MTUS2: variants seen among roughly 807,000 people sequenced by gnomAD.
MTUS2 encodes the protein microtubule-associated tumor suppressor candidate 2.
MTUS2 carries 40 observed loss-of-function variants against 114.1 expected under a neutral mutation model. The observed-to-expected ratio is 0.35, with a 90% CI of 0.27 to 0.46. The LOEUF is 0.46. Ranked by LOEUF, MTUS2 falls within the 20% of genes least tolerant of loss-of-function variation. MTUS2 has a pLI of 1.00. For missense variants in MTUS2, 1,679 were observed against 1,705.4 expected, an observed-to-expected ratio of 0.98 and a Z score of 0.27; for synonymous variants, 688 against 672.0, an observed-to-expected ratio of 1.02 and a Z score of -0.37.
intron 5 of MTUS2, among the ~76,000 whole-genome samples, chr13:29,201,132 G>T (rs897365735): frequency 6.6e-6 from 1 of 152,098 alleles, no homozygotes; most frequent in Non-Finnish European, 1.5e-5. Context: ...CACTATTATT[G>T]TGTGGGAGTC....
intron 5 of MTUS2, among the ~76,000 whole-genome samples, chr13:29,275,212 C>G (rs1239974290): frequency 2.0e-5 from 3 of 151,966 alleles, no homozygotes; most frequent in African/African-American, 7.3e-5. Context: ...GATTTAAAAA[C>G]TCTTTGTTAA....
intron 2 of MTUS2, among the ~76,000 whole-genome samples, chr13:28,893,193 A>G (rs760332329): frequency 2.6e-5 from 4 of 152,212 alleles, no homozygotes; most frequent in Non-Finnish European, 4.4e-5. Context: ...TTGATGTATC[A>G]GAGCTGTAGG....
chr13:29,055,216 A>G (rs919038680), intron 4 of MTUS2, among the ~76,000 whole-genome samples: 2 of 152,142 alleles, frequency 1.3e-5, no homozygotes, highest in Non-Finnish European at 2.9e-5. Flanking sequence ...CTCTATTATT[A>G]GGTGCATAAA....
intron 9 of MTUS2, among the ~76,000 whole-genome samples, chr13:29,448,176 A>C (rs1878423472): frequency 6.6e-6 from 1 of 152,186 alleles, no homozygotes; most frequent in Admixed American, 6.5e-5. Context: ...TGAATTAAAC[A>C]AACTCCACCA....
intron 7 of MTUS2, among the ~76,000 whole-genome samples, chr13:29,350,983 A>ATATATATATATATATATC (rs1566147471): frequency 7.0e-6 from 1 of 143,354 alleles, no homozygotes; most frequent in Non-Finnish European, 1.5e-5. Context: ...ATATATATAT[A>ATATATATATATATATATC]TCTTCAGAGG....
chr13:29,099,654 G>C (rs1010646377), intron 4 of MTUS2, among the ~76,000 whole-genome samples: 2 of 152,084 alleles, frequency 1.3e-5, no homozygotes, highest in African/African-American at 4.8e-5. Flanking sequence ...ATGAAGACTT[G>C]ACTAGCATAA....
At chr13:28,906,103 C>T (rs948629375) in intron 2 of MTUS2, among the ~76,000 whole-genome samples, 1 of 151,070 alleles carries the variant, frequency 6.6e-6, no homozygotes, top group Non-Finnish European at 1.5e-5. Flanking sequence ...TGGTGATATC[C>T]CCTTTATTAT....
chr13:29,244,237 C>A (rs1209333014), intron 5 of MTUS2, among the ~76,000 whole-genome samples: 1 of 152,056 alleles, frequency 6.6e-6, no homozygotes, highest in Non-Finnish European at 1.5e-5. Context: ...ACACACAGTC[C>A]TAATGCAGTT....
intron 5 of MTUS2, among the ~76,000 whole-genome samples, chr13:29,113,585 T>C (rs954565736): frequency 7.9e-5 from 12 of 152,156 alleles, no homozygotes; most frequent in Non-Finnish European, 1.0e-4. Flanking sequence ...CTAAATCTTA[T>C]TTAATGTTAA....
At chr13:29,387,829 C>T (rs566236212) in intron 8 of MTUS2, among the ~76,000 whole-genome samples, 8 of 152,218 alleles carry the variant, frequency 5.3e-5, no homozygotes, top group African/African-American at 1.9e-4. Flanking sequence ...CTCCATTCCA[C>T]CATCTAGTGA....
chr13:29,038,973 G>A (rs1183302064), intron 4 of MTUS2, among the ~76,000 whole-genome samples: 1 of 152,234 alleles, frequency 6.6e-6, no homozygotes, highest in Non-Finnish European at 1.5e-5. Context: ...GTGAGCCTCG[G>A]AAAAGTCTGG....
At chr13:28,990,899 G>A (rs538460259) in intron 2 of MTUS2, among the ~76,000 whole-genome samples, 3 of 151,608 alleles carry the variant, frequency 2.0e-5, no homozygotes, top group Non-Finnish European at 4.4e-5. Flanking sequence ...GCGAGACCAC[G>A]AACCCACTGG....
intron 7 of MTUS2, among the ~76,000 whole-genome samples, chr13:29,326,685 A>G (rs1180147329): frequency 6.6e-6 from 1 of 152,186 alleles, no homozygotes; most frequent in Non-Finnish European, 1.5e-5. Context: ...TAACTCAAAG[A>G]TTTAGATTAC....
chr13:29,269,901 T>G (rs997280802), intron 5 of MTUS2, among the ~76,000 whole-genome samples: 4 of 152,224 alleles, frequency 2.6e-5, no homozygotes, highest in African/African-American at 9.7e-5. Flanking sequence ...CTGCCATTTT[T>G]GACAACATAG....
At chr13:28,976,098 G>T (rs1422801170) in intron 2 of MTUS2, among the ~76,000 whole-genome samples, 1 of 151,472 alleles carries the variant, frequency 6.6e-6, no homozygotes, top group Non-Finnish European at 1.5e-5. Context: ...CAGCTACTCA[G>T]GAGGCTGAGG....
rs531476167 is a variant in MTUS2 at position 29,372,406 on chromosome 13, G to C, written c.3117+12933G>C. Reference sequence around the variant, plus strand: ...ACAATTTGACACCATGAGTGAAAGGGCATGGACTAGTACCTTGTTGATTTC... The same window carrying C: ...ACAATTTGACACCATGAGTGAAAGGCCATGGACTAGTACCTTGTTGATTTC... On this transcript the variant is annotated intron_variant, in intron 8 of 15. Coordinates refer to ENST00000612955, the MANE Select transcript of MTUS2 (RefSeq NM_001033602.4). 4.6e-5 allele frequency among the ~76,000 whole-genome samples: 7 copies of C among 152,166 alleles called. No homozygotes were observed. The East Asian group carries it at 7.7e-4, about 17-fold the overall frequency.
intron 2 of MTUS2, among the ~76,000 whole-genome samples, chr13:28,928,331 G>T (rs1437318666): frequency 6.6e-6 from 1 of 152,120 alleles, no homozygotes; most frequent in African/African-American, 2.4e-5. Flanking sequence ...CCCAGAATGG[G>T]AGAAAATATT....
intron 2 of MTUS2, among the ~76,000 whole-genome samples, chr13:28,915,370 C>T (rs995121580): frequency 6.6e-5 from 10 of 151,874 alleles, no homozygotes; most frequent in Admixed American, 2.0e-4. Flanking sequence ...GAGGAAACTC[C>T]AAACTCTTCT....
At chr13:29,469,090 C>T (rs1441075692) in intron 9 of MTUS2, among the ~76,000 whole-genome samples, 3 of 152,182 alleles carry the variant, frequency 2.0e-5, no homozygotes, top group East Asian at 3.9e-4. Flanking sequence ...CCAACCTCCT[C>T]GTTTGACGGA....
Sources: gnomAD v4.1 joint callset for allele counts (sites outside exome capture counted in the v4.1 genomes callset) on GRCh38, gnomAD v4.1.1 for gene constraint, MANE v1.5 for transcripts, NCBI Gene and HGNC (gene_info 2026-07-23, HGNC 2026-07-21) for gene names.